Variants in MAPK12 observed in about 807,000 individuals in gnomAD.
The protein encoded by MAPK12 is mitogen-activated protein kinase 12, also known as MAP kinase 12.
Under a neutral mutation model 49.1 loss-of-function variants are expected in MAPK12, and 49 were observed. That is an observed-to-expected ratio of 1.00 (90% confidence interval 0.79 to 1.27). The LOEUF is 1.27. Ranked by LOEUF, MAPK12 falls within the 50% of genes most tolerant of loss-of-function variation. The pLI is 0.00. For missense variants in MAPK12, 554 were observed against 502.4 expected (o/e 1.10, Z -0.98); for synonymous variants, 251 against 209.7 (o/e 1.20, Z -1.70).
At position 50,261,451 on chromosome 22, in the gene MAPK12, GC is replaced by G. The variant is rs763209896; in HGVS notation, c.58del (p.Ala20ProfsTer67). The G allele has an allele frequency of 1.4e-4, 186 of 1,283,374 alleles. No individual in the cohort carries two copies. The highest frequency in any genetic ancestry group is 1.7e-4 in the Non-Finnish European group (165 of 992,174). The allele number at this position is 1,283,374 out of a possible 1,614,324, so 79.5% of individuals were successfully genotyped here. The stretch of plus-strand genomic sequence containing the variant: ...CCGGTACACGGCGCGCACCTCCCAG[GC>G]CGTCTTGGTCACCTCCTGGCGGTAA... ...GFYRQEVTKT[A>X]WEVRAVYRDL... On this transcript the variant is annotated frameshift_variant, in exon 1 of 12. Transcript: ENST00000215659. LOFTEE classifies it high-confidence loss of function.
At position 50,261,342 on chromosome 22, in the gene MAPK12, GCCCCGCCCGCCC is replaced by G. The variant is rs1373521092; in HGVS notation, c.125+31_125+42del. 5 of 1,151,404 alleles carry G rather than the reference GCCCCGCCCGCCC, an allele frequency of 4.3e-6. No homozygotes were observed. The African/African-American group carries it at 8.3e-5, about 19-fold the overall frequency. The allele number at this position is 1,151,404 out of a possible 1,614,324, so 71.3% of individuals were successfully genotyped here. A position where few individuals can be genotyped will look rare whatever the true frequency, so the allele number is the denominator to read the frequency against. Reference sequence around the variant, plus strand: ...CGGGAAGGCCGGGCACCCCGCGCAGGCCCCGCCCGCCCCGCCGGCCGCCCCGCCCGGCCCGCG... The same window carrying G: ...CGGGAAGGCCGGGCACCCCGCGCAGGCGCCGGCCGCCCCGCCCGGCCCGCG... On this transcript the variant is annotated intron_variant, in intron 1 of 11. Coordinates refer to ENST00000215659, the MANE Select transcript of MAPK12 (RefSeq NM_002969.6).
At chr22:50,254,709 A>G in intron 11 of MAPK12, 8 of 1,056,974 alleles carry the variant, frequency 7.6e-6, no homozygotes, top group Non-Finnish European at 9.2e-6. Flanking sequence ...GTGAGCAGAG[A>G]GGCCTTAGGG....
At chr22:50,258,951 T>C (rs1243951202) in intron 2 of MAPK12, among the ~76,000 whole-genome samples, 2 of 152,056 alleles carry the variant, frequency 1.3e-5, no homozygotes, top group Admixed American at 6.5e-5. Context: ...TTGGATAGTT[T>C]GAAGAATACA....
chr22:50,259,807 C>G (rs2065191754), intron 2 of MAPK12, among the ~76,000 whole-genome samples: 1 of 151,878 alleles, frequency 6.6e-6, no homozygotes, highest in Non-Finnish European at 1.5e-5. Context: ...TCGCCTGAAC[C>G]CAGGACGCGA....
rs113475910 is a variant in MAPK12 at position 50,261,654 on chromosome 22, C to G, written c.-145G>C. The stretch of plus-strand genomic sequence containing the variant: ...CGCCCGCCGGCCGCTGGGGCGCTCC[C>G]GCTCCCGGCCCTTCCCTCAGGGATG... On this transcript the variant is annotated 5_prime_UTR_variant, in exon 1 of 12. Transcript: ENST00000215659. 5 of 896,742 alleles carry G rather than the reference C, an allele frequency of 5.6e-6. No individual in the cohort carries two copies. Among genetic ancestry groups the G allele is most frequent in the Non-Finnish European group, 6.7e-6 (5 of 748,000 alleles). 55.5% of individuals were successfully genotyped at this position (896,742 alleles called of 1,614,324 possible).
At chr22:50,253,710 G>C (rs928303883) in intron 11 of MAPK12, 9 of 578,308 alleles carry the variant, frequency 1.6e-5, no homozygotes, top group Non-Finnish European at 2.8e-5. Flanking sequence ...ACCACGGTCT[G>C]TCCTAAGAGC....
At position 50,261,503 on chromosome 22, in the gene MAPK12, A is replaced by G; in HGVS notation, c.7T>C (p.Ser3Pro). The change falls in exon 1 of 12, where the codon TCT (serine) becomes CCT (proline). Residue 3 changes from serine (S) to proline (P), a missense_variant. Ser to Pro is a moderately conservative substitution (Grantham distance 74, BLOSUM62 -1). Transcript: ENST00000215659. ...AAGCCACTGCGGGCGGGCGGCGGAG[A>G]GCTCATGGCAGGCCCGGGAGCTGCC... is the stretch of plus-strand genomic sequence containing the variant. MS[S>P]PPPARSGFYR... 2.5e-6 allele frequency: 3 copies of G among 1,218,160 alleles called. No individual in the cohort carries two copies. The highest frequency in any genetic ancestry group is 1.9e-5 in the South Asian group (1 of 53,940). The allele number at this position is 1,218,160 out of a possible 1,614,324, so 75.5% of individuals were successfully genotyped here.
chr22:50,256,536 A>G (rs2065151970), intron 6 of MAPK12, 63 bp downstream of exon 6: 2 of 1,565,830 alleles, frequency 1.3e-6, no homozygotes, highest in East Asian at 4.5e-5. Flanking sequence ...ACAGGTGGAT[A>G]GATGGGCAGA....
rs752024173 is a variant in MAPK12 at position 50,261,294 on chromosome 22, G to A, written c.128C>T (p.Ser43Leu). ...VGSGAYGAVC[S>L]AVDGRTGAKV... ...AGCGCCGGTGCGGCCGTCCACGGCC[G>A]AGCTGCGGGGCGGACCGCTTAGCGG... Residue 43 changes from serine to leucine, a missense_variant and splice_region_variant, in exon 2 of 12, where the codon TCG becomes TTG. Coordinates refer to ENST00000215659, the MANE Select transcript of MAPK12 (RefSeq NM_002969.6). The A allele has an allele frequency of 6.8e-6, 10 of 1,468,468 alleles. No individual in the cohort carries two copies. In the South Asian group the frequency reaches 9.1e-5, roughly 13 times the overall value. The allele number at this position is 1,468,468 out of a possible 1,614,324, so 91.0% of individuals were successfully genotyped here. A position where few individuals can be genotyped will look rare whatever the true frequency, so the allele number is the denominator to read the frequency against.
Position 50,255,634 on chromosome 22 carries a change from T to C in MAPK12, c.752A>G (p.Gln251Arg). The change falls in exon 9 of 12, where the codon CAG (glutamine) becomes CGG (arginine). Residue 251 changes from glutamine to arginine, a missense_variant. Gln to Arg is a conservative substitution (Grantham distance 43). Transcript: ENST00000215659. ...CCTTACCTCATCGCTCTGCAGCCGC[T>C]GCACAAACTCAGCCGGAGGCGTCCC... ...VTGTPPAEFV[Q>R]RLQSDEAKNY... 1 of 1,385,704 alleles carries C rather than the reference T, an allele frequency of 7.2e-7. No individual in the cohort carries two copies. The highest frequency in any genetic ancestry group is 9.5e-7 in the Non-Finnish European group (1 of 1,048,210). The allele number at this position is 1,385,704 out of a possible 1,614,324, so 85.8% of individuals were successfully genotyped here. A position where few individuals can be genotyped will look rare whatever the true frequency, so the allele number is the denominator to read the frequency against.
At chr22:50,256,703 C>A (rs2147257782) in intron 5 of MAPK12, 57 bp from the exon 6 acceptor site, 6 of 1,569,730 alleles carry the variant, frequency 3.8e-6, no homozygotes, top group Non-Finnish European at 4.3e-6. Context: ...TGGGCACAGC[C>A]AAGAGCCTGG....
Position 50,255,666 on chromosome 22 carries a change from C to T in MAPK12, c.720G>A (p.Lys240=). 1 of 1,610,884 alleles carries T rather than the reference C, an allele frequency of 6.2e-7. No homozygotes were observed. Among genetic ancestry groups the T allele is most frequent in the Non-Finnish European group, 8.5e-7 (1 of 1,179,940 alleles). The change falls in exon 9 of 12, where the codon AAG becomes AAA. Residue 240 remains lysine, a synonymous_variant. Coordinates refer to ENST00000215659, the MANE Select transcript of MAPK12 (RefSeq NM_002969.6). ...DHLDQLKEIM[K]VTGTPPAEFV... ...ACTCAGCCGGAGGCGTCCCCGTCAC[C>T]TTCATGATCTCCTTCAGCTGGTCCA...
chr22:50,257,480 C>G (rs925734970), intron 3 of MAPK12: 1 of 526,612 alleles, frequency 1.9e-6, no homozygotes, highest in African/African-American at 1.9e-5. Context: ...GAACCCTCCG[C>G]TGAAGCGCCC....
At position 50,255,287 on chromosome 22, in the gene MAPK12, C is replaced by T. The variant is rs775287258; in HGVS notation, c.934G>A (p.Glu312Lys). The change falls in exon 11 of 12, where the codon GAG becomes AAG. Residue 312 changes from glutamate to lysine, a missense_variant. Transcript: ENST00000215659. Reference sequence around the variant, plus strand: ...TCATCTTCCGTGTCGTGCAGGGACTCGAAGTAGGGATGGGCCAGCGCCTCG... The same window carrying T: ...TCATCTTCCGTGTCGTGCAGGGACTTGAAGTAGGGATGGGCCAGCGCCTCG... The part of the protein sequence containing the change: ...AGEALAHPYF[E>K]SLHDTEDEPQ... 12 of 1,613,732 alleles carry T rather than the reference C, an allele frequency of 7.4e-6. No homozygotes were observed. Among genetic ancestry groups the T allele is most frequent in the South Asian group, 2.2e-5 (2 of 91,088 alleles).
At chr22:50,261,082 G>A (rs1484154478) in intron 2 of MAPK12, 85 bp downstream of exon 2, 8 of 1,382,012 alleles carry the variant, frequency 5.8e-6, no homozygotes, top group Middle Eastern at 2.5e-4. Flanking sequence ...CTGCCTGGAG[G>A]AGGGGTTGCC....
rs370380047 is a variant in MAPK12 at position 50,256,915 on chromosome 22, G to A, written c.456+20C>T. ...TGCACTGGGGGAGGGCTGATGAGCGGCTTCTCCACCGGGACTCACTCTGTG... is the reference window on the plus strand; with the variant it reads ...TGCACTGGGGGAGGGCTGATGAGCGACTTCTCCACCGGGACTCACTCTGTG... On this transcript the variant is annotated intron_variant, in intron 5 of 11. Coordinates refer to ENST00000215659, the MANE Select transcript of MAPK12 (RefSeq NM_002969.6). 2 of 1,603,506 alleles carry A rather than the reference G, an allele frequency of 1.2e-6. No homozygotes were observed. Among genetic ancestry groups the A allele is most frequent in the Admixed American group, 1.7e-5 (1 of 59,296 alleles).
rs530696420 is a variant in MAPK12 at position 50,257,572 on chromosome 22, G to A, written c.315-379C>T. On this transcript the variant is annotated intron_variant, in intron 3 of 11. Coordinates refer to ENST00000215659, the MANE Select transcript of MAPK12 (RefSeq NM_002969.6). ...CACAGGCAGGGGAGGGAGGCAGTCA[G>A]GTTTCAACTTCACAACTTTGTGCCA... 1.2e-4 allele frequency: 63 copies of A among 541,888 alleles called. 1 individual carries two copies. The East Asian group carries it at 1.3e-3, about 11-fold the overall frequency. The allele number at this position is 541,888 out of a possible 1,614,324, so 33.6% of individuals were successfully genotyped here. A position where few individuals can be genotyped will look rare whatever the true frequency, so the allele number is the denominator to read the frequency against.
chr22:50,254,374 T>C (rs2009822), intron 11 of MAPK12: 2,147 of 153,248 alleles, frequency 0.014, 61 homozygotes, highest in African/African-American at 0.049. Flanking sequence ...AGGAGAGGGC[T>C]GGGCGCGGTG....
chr22:50,255,756 T>C (rs2065143474), intron 8 of MAPK12, 54 bp downstream of exon 8: 1 of 1,607,964 alleles, frequency 6.2e-7, no homozygotes, highest in Non-Finnish European at 8.5e-7. Context: ...TGCCCCCACC[T>C]GGGCAGGAGC....
Sources: gnomAD v4.1 joint callset for allele counts (sites outside exome capture counted in the v4.1 genomes callset) on GRCh38, gnomAD v4.1.1 for gene constraint, MANE v1.5 for transcripts, NCBI Gene and HGNC (gene_info 2026-07-23, HGNC 2026-07-21) for gene names.